Variants in KCND2 observed in about 807,000 individuals in gnomAD.
KCND2 encodes potassium voltage-gated channel subfamily D member 2.
Under a neutral mutation model 54.4 loss-of-function variants are expected in KCND2, and 16 were observed. The ratio of observed to expected loss-of-function variants is 0.29; its 90% CI spans 0.20 to 0.45. The LOEUF is 0.45. Among genes scored for constraint, KCND2 ranks in the 20% least tolerant of loss-of-function variants. KCND2 has a pLI of 1.00. For synonymous variants in KCND2, 317 were observed against 310.7 expected (o/e 1.02, Z -0.21); for missense variants, 486 against 824.2 (o/e 0.59, Z 5.02).
At chr7:120,356,843 C>G (rs1800512943) in intron 1 of KCND2, among the ~76,000 whole-genome samples, 1 of 152,086 alleles carries the variant, frequency 6.6e-6, no homozygotes, top group Non-Finnish European at 1.5e-5. Flanking sequence ...ATCGCAAGCT[C>G]CATGTGAATC....
chr7:120,370,589 G>T (rs919114377), intron 1 of KCND2, among the ~76,000 whole-genome samples: 3 of 151,922 alleles, frequency 2.0e-5, no homozygotes, highest in Non-Finnish European at 4.4e-5. Flanking sequence ...TATTGCCATT[G>T]CCAGATACTC....
chr7:120,739,814 C>T (rs988373355), intron 2 of KCND2, among the ~76,000 whole-genome samples: 1 of 142,836 alleles, frequency 7.0e-6, no homozygotes, highest in Admixed American at 6.7e-5. Flanking sequence ...CACACACACA[C>T]ACACACACAC....
At position 120,638,478 on chromosome 7, in the gene KCND2, G is replaced by A. The variant is rs546579260; in HGVS notation, c.1116-94425G>A. Among the ~76,000 whole-genome samples the A allele has an allele frequency of 7.9e-5, 12 of 152,224 alleles. No individual in the cohort carries two copies. The East Asian group carries it at 2.3e-3, about 29-fold the overall frequency. On this transcript the variant is annotated intron_variant, in intron 1 of 5. Coordinates refer to ENST00000331113, the MANE Select transcript of KCND2 (RefSeq NM_012281.3). Reference sequence around the variant, plus strand: ...AAAATTTCCCCTGCCATCTGGGGAGGGATTTGGATGCTCTACCTAATAACC... The same window carrying A: ...AAAATTTCCCCTGCCATCTGGGGAGAGATTTGGATGCTCTACCTAATAACC...
At chr7:120,335,464 CTTACTTATTTATTTAT>C (rs1363365732) in intron 1 of KCND2, among the ~76,000 whole-genome samples, 26 of 139,242 alleles carry the variant, frequency 1.9e-4, no homozygotes, top group African/African-American at 3.3e-4. Context: ...TATTTACTTA[CTTACTTATTTATTTAT>C]TTATTTATTT....
chr7:120,630,615 T>G, intron 1 of KCND2, among the ~76,000 whole-genome samples: 1 of 152,270 alleles, frequency 6.6e-6, no homozygotes, highest in African/African-American at 2.4e-5. Context: ...CTATAATCTA[T>G]AAATATCTAT....
intron 1 of KCND2, among the ~76,000 whole-genome samples, chr7:120,661,833 G>A (rs1791869730): frequency 1.3e-5 from 2 of 151,990 alleles, no homozygotes; most frequent in South Asian, 4.1e-4. Flanking sequence ...AATGTTAAAG[G>A]GTGGCAAAAT....
intron 1 of KCND2, among the ~76,000 whole-genome samples, chr7:120,446,422 T>G (rs1202117295): frequency 6.6e-6 from 1 of 152,162 alleles, no homozygotes; most frequent in Non-Finnish European, 1.5e-5. Context: ...GTGTTTATTC[T>G]TACCTGCCAT....
intron 1 of KCND2, among the ~76,000 whole-genome samples, chr7:120,296,617 A>C (rs1799517023): frequency 6.6e-6 from 1 of 152,092 alleles, no homozygotes; most frequent in African/African-American, 2.4e-5. Flanking sequence ...CTTTATAGTC[A>C]TTCTCATTCT....
chr7:120,616,207 A>G (rs964565309), intron 1 of KCND2, among the ~76,000 whole-genome samples: 1 of 152,170 alleles, frequency 6.6e-6, no homozygotes, highest in African/African-American at 2.4e-5. Flanking sequence ...TTAAAATTCT[A>G]TTTGCCATTT....
chr7:120,392,915 T>G (rs1009017854), intron 1 of KCND2, among the ~76,000 whole-genome samples: 1 of 151,966 alleles, frequency 6.6e-6, no homozygotes, highest in African/African-American at 2.4e-5. Flanking sequence ...CACTGTAGAG[T>G]CTAGCATTAA....
chr7:120,331,488 A>T (rs866674858), intron 1 of KCND2, among the ~76,000 whole-genome samples: 5 of 152,026 alleles, frequency 3.3e-5, no homozygotes, highest in Admixed American at 2.6e-4. Context: ...TTAATTACAA[A>T]AAAAGGAAAA....
At chr7:120,482,307 A>C (rs1224467145) in intron 1 of KCND2, among the ~76,000 whole-genome samples, 1 of 152,180 alleles carries the variant, frequency 6.6e-6, no homozygotes. Context: ...CAATTTGCCT[A>C]AGAATGAATC....
intron 1 of KCND2, among the ~76,000 whole-genome samples, chr7:120,404,316 A>C (rs1483625372): frequency 1.3e-5 from 2 of 152,164 alleles, no homozygotes; most frequent in Non-Finnish European, 2.9e-5. Context: ...CATAGGTTTC[A>C]TTAGTACATG....
intron 1 of KCND2, among the ~76,000 whole-genome samples, chr7:120,560,929 G>A (rs1458454578): frequency 6.6e-6 from 1 of 152,132 alleles, no homozygotes; most frequent in African/African-American, 2.4e-5. Context: ...ATTTGACCAA[G>A]GTACCAAAAT....
chr7:120,551,652 T>C (rs1425658516), intron 1 of KCND2, among the ~76,000 whole-genome samples: 1 of 152,236 alleles, frequency 6.6e-6, no homozygotes, highest in Non-Finnish European at 1.5e-5. Flanking sequence ...GTCAAATGAT[T>C]CCTTAATAGG....
At chr7:120,580,080 C>G (rs1278838848) in intron 1 of KCND2, among the ~76,000 whole-genome samples, 3 of 152,232 alleles carry the variant, frequency 2.0e-5, no homozygotes, top group Non-Finnish European at 4.4e-5. Flanking sequence ...ATCCCAGTCT[C>G]TGTCCCATCG....
At chr7:120,472,754 T>G (rs12666810) in intron 1 of KCND2, among the ~76,000 whole-genome samples, 10,190 of 152,116 alleles carry the variant, frequency 0.067, 877 homozygotes, top group East Asian at 0.45. Context: ...CAGAATGGTA[T>G]GAACAATGGC....
chr7:120,282,369 A>G (rs1369156569), intron 1 of KCND2, among the ~76,000 whole-genome samples: 1 of 152,184 alleles, frequency 6.6e-6, no homozygotes, highest in Non-Finnish European at 1.5e-5. Flanking sequence ...GACATAGGAG[A>G]TAGATGCAAT....
chr7:120,332,535 G>A (rs559038568), intron 1 of KCND2, among the ~76,000 whole-genome samples: 39 of 152,184 alleles, frequency 2.6e-4, no homozygotes, highest in African/African-American at 7.7e-4. Context: ...ATCAAGCAGT[G>A]TTTTTAGTAT....
Sources: gnomAD v4.1 joint callset for allele counts (sites outside exome capture counted in the v4.1 genomes callset) on GRCh38, gnomAD v4.1.1 for gene constraint, MANE v1.5 for transcripts, NCBI Gene and HGNC (gene_info 2026-07-23, HGNC 2026-07-21) for gene names.